Variants in CLIC1 observed in about 807,000 individuals in gnomAD.
CLIC1 encodes the protein chloride intracellular channel protein 1.
CLIC1 carries 16 observed loss-of-function variants against 26.4 expected under a neutral mutation model. The observed-to-expected ratio is 0.61, with a 90% CI of 0.41 to 0.92. The LOEUF (loss-of-function observed/expected upper bound fraction) is 0.92. Among genes scored for constraint, CLIC1 ranks in the 40% least tolerant of loss-of-function variants. The pLI is 0.00. For synonymous variants in CLIC1, 98 were observed against 120.8 expected, an observed-to-expected ratio of 0.81 and a Z score of 1.24; for missense variants, 225 against 289.7, an observed-to-expected ratio of 0.78 and a Z score of 1.62.
chr6:31,735,580 C>A (rs1027452223), intron 1 of CLIC1, among the ~76,000 whole-genome samples: 4 of 152,024 alleles, frequency 2.6e-5, no homozygotes, highest in Admixed American at 6.6e-5. Flanking sequence ...TCTCTCCCAC[C>A]CATCCTTGTG....
chr6:31,735,817 A>ACC (rs1157773711), intron 1 of CLIC1, among the ~76,000 whole-genome samples: 1 of 149,086 alleles, frequency 6.7e-6, no homozygotes, highest in African/African-American at 2.5e-5. Context: ...CCACACACAC[A>ACC]CACACACACA....
At chr6:31,735,746 A>G (rs1808282736) in intron 1 of CLIC1, among the ~76,000 whole-genome samples, 1 of 147,530 alleles carries the variant, frequency 6.8e-6, no homozygotes, top group African/African-American at 2.5e-5. Flanking sequence ...AAGCTTCCCA[A>G]TTTACTTGCT....
chr6:31,730,705 C>A lies in CLIC1; in HGVS notation c.*137G>T, dbSNP rs1807848895. 4.4e-6 allele frequency: 4 copies of A among 911,350 alleles called. No individual in the cohort carries two copies. Among genetic ancestry groups the A allele is most frequent in the Non-Finnish European group, 6.7e-6 (4 of 594,262 alleles). The allele number at this position is 911,350 out of a possible 1,614,324, so 56.5% of individuals were successfully genotyped here. ...TTCTTTCCCTCATCCCCTCTTCCACCACACCATCCCGGAACAAGTGCTCCA... is the reference window on the plus strand; with the variant it reads ...TTCTTTCCCTCATCCCCTCTTCCACAACACCATCCCGGAACAAGTGCTCCA... On this transcript the variant is annotated 3_prime_UTR_variant, in exon 6 of 6. Transcript: ENST00000375784. The surrounding 1 kb of genome is among the most constrained non-coding windows in gnomAD (Gnocchi z 5.1).
At chr6:31,737,117 A>T, upstream of CLIC1, 1 of 183,756 alleles carries the variant, frequency 5.4e-6, no homozygotes, top group Non-Finnish European at 1.0e-5. Context: ...TACACTTGGG[A>T]TTGGGCATAG....
chr6:31,735,351 G>A (rs1808257218), intron 1 of CLIC1, among the ~76,000 whole-genome samples: 2 of 151,766 alleles, frequency 1.3e-5, no homozygotes, highest in Non-Finnish European at 2.9e-5. Flanking sequence ...ACTGGGAAAT[G>A]AATGCAGCAG....
Position 31,732,049 on chromosome 6 carries a change from C to A in CLIC1, c.564+168G>T, listed in dbSNP as rs933692806. Among the ~76,000 whole-genome samples the A allele has an allele frequency of 6.6e-6, 1 of 152,158 alleles. No homozygotes were observed. The highest frequency in any genetic ancestry group is 1.5e-5 in the Non-Finnish European group (1 of 68,036). ...TTATCTCAAGCAGTGGTCTTGTTAG[C>A]AATGACTGCTGCAAAGGACTGGGGT... On this transcript the variant is annotated intron_variant, in intron 5 of 5. Transcript: ENST00000375784. The surrounding 1 kb of genome is among the most constrained non-coding windows in gnomAD (Gnocchi z 5.0).
chr6:31,735,046 G>A (rs1265448162), intron 1 of CLIC1, among the ~76,000 whole-genome samples: 1 of 151,818 alleles, frequency 6.6e-6, no homozygotes, highest in Non-Finnish European at 1.5e-5. Flanking sequence ...AGCCCCGGAG[G>A]CGAATGTGAG....
chr6:31,734,144 G>C lies in CLIC1; in HGVS notation c.149+10C>G. On this transcript the variant is annotated intron_variant, in intron 2 of 5. Transcript: ENST00000375784. The surrounding 1 kb of genome is among the most constrained non-coding windows in gnomAD (Gnocchi z 5.3). ...ACCAGGGGTGTTTCAAGGAACATAA[G>C]CAGGCCTACCTTTTGGTGTCAACGG... 1 of 1,608,192 alleles carries C rather than the reference G, an allele frequency of 6.2e-7. No homozygotes were observed. Among genetic ancestry groups the C allele is most frequent in the Non-Finnish European group, 8.5e-7 (1 of 1,174,530 alleles).
At position 31,733,886 on chromosome 6, in the gene CLIC1, T is replaced by C; in HGVS notation, c.225A>G (p.Thr75=). The C allele has an allele frequency of 6.2e-7, 1 of 1,614,110 alleles. No homozygotes were observed. Among genetic ancestry groups the C allele is most frequent in the Non-Finnish European group, 8.5e-7 (1 of 1,180,036 alleles). ...GAAATTCCTCAATCTTGTTGGTGTC[T>C]GTGTGCACTTCAGTGCCATACAGCA... is the stretch of plus-strand genomic sequence containing the variant. The change falls in exon 3 of 6, where the codon ACA becomes ACG. Residue 75 remains threonine (T), a synonymous_variant. Coordinates refer to ENST00000375784, the Ensembl canonical transcript of CLIC1. The surrounding 1 kb of genome is among the most constrained non-coding windows in gnomAD (Gnocchi z 5.4).
At chr6:31,735,807 CCACACACACACACACACA>C (rs9281564) in intron 1 of CLIC1, among the ~76,000 whole-genome samples, 6 of 124,980 alleles carry the variant, frequency 4.8e-5, no homozygotes, top group South Asian at 3.0e-4. Flanking sequence ...GCGTCTCCAT[CCACACACACACACACACA>C]CACACACACA....
intron 1 of CLIC1, among the ~76,000 whole-genome samples, chr6:31,735,255 C>T (rs1053451156): frequency 4.6e-5 from 7 of 151,440 alleles, no homozygotes; most frequent in Non-Finnish European, 8.8e-5. Context: ...GGGAGACGTG[C>T]GTGCCAACGG....
intron 1 of CLIC1, among the ~76,000 whole-genome samples, chr6:31,735,347 A>G (rs1027061822): frequency 1.3e-5 from 2 of 151,662 alleles, no homozygotes; most frequent in African/African-American, 4.8e-5. Context: ...CAAGACTGGG[A>G]AATGAATGCA....
At chr6:31,736,000 C>T (rs1808307669) in intron 1 of CLIC1, among the ~76,000 whole-genome samples, 1 of 152,158 alleles carries the variant, frequency 6.6e-6, no homozygotes. Flanking sequence ...TTTGGGAATT[C>T]TCCTTTTTCT....
Position 31,732,212 on chromosome 6 carries a change from C to T in CLIC1, c.564+5G>A. 1.4e-6 allele frequency: 2 copies of T among 1,465,370 alleles called. No homozygotes were observed. The highest frequency in any genetic ancestry group is 2.9e-5 in the African/African-American group (2 of 69,584). 90.8% of individuals were successfully genotyped at this position (1,465,370 alleles called of 1,614,324 possible). A position where few individuals can be genotyped will look rare whatever the true frequency, so the allele number is the denominator to read the frequency against. ...TCATCCTCTCCTCCCGCAATAACCA[C>T]ACACCTGTACTATGTGTAACTTTGG... On this transcript the variant is annotated splice_donor_5th_base_variant and intron_variant, in intron 5 of 5. Coordinates refer to ENST00000375784, the Ensembl canonical transcript of CLIC1. This position sits in a 1 kb window ranked among gnomAD's most constrained non-coding sequence, Gnocchi z 5.0.
rs1206199594 is a variant in CLIC1, at chr6:31,733,368, T to A, written c.382+198A>T. Among the ~76,000 whole-genome samples, 3 of 151,960 alleles carry A rather than the reference T, an allele frequency of 2.0e-5. No homozygotes were observed. Among genetic ancestry groups the A allele is most frequent in the Non-Finnish European group, 2.9e-5 (2 of 67,990 alleles). On this transcript the variant is annotated intron_variant, in intron 4 of 5. Coordinates refer to ENST00000375784, the Ensembl canonical transcript of CLIC1. This position sits in a 1 kb window ranked among gnomAD's most constrained non-coding sequence, Gnocchi z 5.4. ...GGGGCAGAAGAGGCTAGGGAACAAATGAGAAAAGCTTAAAAGTCTTGGCCA... is the reference window on the plus strand; with the variant it reads ...GGGGCAGAAGAGGCTAGGGAACAAAAGAGAAAAGCTTAAAAGTCTTGGCCA...
At position 31,734,118 on chromosome 6, in the gene CLIC1, C is replaced by T. The variant is rs1311385442; in HGVS notation, c.149+36G>A. The T allele has an allele frequency of 5.0e-6, 8 of 1,594,416 alleles. No homozygotes were observed. Among genetic ancestry groups the T allele is most frequent in the Non-Finnish European group, 6.9e-6 (8 of 1,162,288 alleles). Reference sequence around the variant, plus strand: ...GGGTGTGTGTTTGCACACATGTGTACACCAGGGGTGTTTCAAGGAACATAA... The same window carrying T: ...GGGTGTGTGTTTGCACACATGTGTATACCAGGGGTGTTTCAAGGAACATAA... On this transcript the variant is annotated intron_variant, in intron 2 of 5. Coordinates refer to ENST00000375784, the Ensembl canonical transcript of CLIC1. This position sits in a 1 kb window ranked among gnomAD's most constrained non-coding sequence, Gnocchi z 5.3.
At chr6:31,735,362 C>T (rs1048310846) in intron 1 of CLIC1, among the ~76,000 whole-genome samples, 1 of 151,374 alleles carries the variant, frequency 6.6e-6, no homozygotes, top group African/African-American at 2.4e-5. Context: ...AATGCAGCAG[C>T]GGTAGGGAGG....
At position 31,736,362 on chromosome 6, in the gene CLIC1, G is replaced by A; in HGVS notation, c.-62C>T. On this transcript the variant is annotated 5_prime_UTR_variant, in exon 1 of 6. Coordinates refer to ENST00000375784, the Ensembl canonical transcript of CLIC1. The surrounding 1 kb of genome is among the most constrained non-coding windows in gnomAD (Gnocchi z 5.0). ...GGAACTGGGAGGGGCTGGGACCGGG[G>A]AAGGCGGGTCTCACACTCAGGGACT... 1 of 1,611,494 alleles carries A rather than the reference G, an allele frequency of 6.2e-7. No homozygotes were observed. The highest frequency in any genetic ancestry group is 8.5e-7 in the Non-Finnish European group (1 of 1,179,774).
In CLIC1 at chr6:31,732,111, C is replaced by A; in HGVS notation, c.564+106G>T. Reference sequence around the variant, plus strand: ...TTGGTAGCAATTTATGAAAACCACCCTAAGAAAGAAATCGTCTTTAGAGTG... The same window carrying A: ...TTGGTAGCAATTTATGAAAACCACCATAAGAAAGAAATCGTCTTTAGAGTG... On this transcript the variant is annotated intron_variant, in intron 5 of 5. Transcript: ENST00000375784. This position sits in a 1 kb window ranked among gnomAD's most constrained non-coding sequence, Gnocchi z 5.0. The A allele has an allele frequency of 1.0e-6, 1 of 999,230 alleles. No individual in the cohort carries two copies. The highest frequency in any genetic ancestry group is 1.4e-6 in the Non-Finnish European group (1 of 724,594). 61.9% of individuals were successfully genotyped at this position (999,230 alleles called of 1,614,324 possible).
Sources: allele counts gnomAD v4.1 joint callset (sites outside exome capture counted in the v4.1 genomes callset), GRCh38; gene constraint gnomAD v4.1.1; non-coding constraint Gnocchi (gnomAD v3.1); transcripts MANE v1.5; gene names NCBI Gene and HGNC (gene_info 2026-07-23, HGNC 2026-07-21).